The following MSI2 variants were observed in gnomAD, a reference collection of about 807,000 sequenced individuals.
MSI2 encodes RNA-binding protein Musashi homolog 2.
MSI2 carries 17 observed loss-of-function variants against 45.6 expected under a neutral mutation model. The observed-to-expected ratio is 0.37, with a 90% CI of 0.26 to 0.56. The LOEUF (loss-of-function observed/expected upper bound fraction) is 0.56, where lower values mean the gene tolerates loss of function less well. Ranked by LOEUF, MSI2 falls within the 20% of genes least tolerant of loss-of-function variation. MSI2 has a pLI of 0.77. For missense variants in MSI2, 293 were observed against 444.2 expected, an observed-to-expected ratio of 0.66 and a Z score of 3.06; for synonymous variants, 156 against 158.2, an observed-to-expected ratio of 0.99 and a Z score of 0.11.
chr17:57,615,908 C>A, intron 8 of MSI2, 62 bp from the exon 9 acceptor site: 1 of 1,288,930 alleles, frequency 7.8e-7, no homozygotes, highest in Non-Finnish European at 1.1e-6. Context: ...CAGACAGGTT[C>A]TGCATTTGAC....
intron 6 of MSI2, among the ~76,000 whole-genome samples, chr17:57,519,075 C>T (rs1219708376): frequency 6.6e-6 from 1 of 152,190 alleles, no homozygotes; most frequent in Non-Finnish European, 1.5e-5. Context: ...GGAGCTCCCA[C>T]CCAGTCCTAC....
At chr17:57,528,414 C>T (rs756722020) in intron 6 of MSI2, among the ~76,000 whole-genome samples, 9 of 151,954 alleles carry the variant, frequency 5.9e-5, no homozygotes, top group South Asian at 2.1e-4. Context: ...TTACAGGATG[C>T]GTGGGAGGGG....
At chr17:57,527,294 G>T (rs929047169) in intron 6 of MSI2, among the ~76,000 whole-genome samples, 2 of 129,392 alleles carry the variant, frequency 1.5e-5, no homozygotes, top group Non-Finnish European at 3.2e-5. Context: ...CCAGGCATTC[G>T]AATTCCTATT....
At chr17:57,593,393 C>T (rs1197695235) in intron 7 of MSI2, among the ~76,000 whole-genome samples, 1 of 152,122 alleles carries the variant, frequency 6.6e-6, no homozygotes, top group African/African-American at 2.4e-5. Context: ...GGGGGACAGT[C>T]GTTCCTTGCC....
chr17:57,631,690 G>C (rs1909384165), intron 10 of MSI2: 1 of 989,488 alleles, frequency 1.0e-6, no homozygotes, highest in Non-Finnish European at 1.6e-6. Flanking sequence ...GAATTATTAT[G>C]GGTTGTGATC....
At chr17:57,395,865 C>T (rs558930199) in intron 5 of MSI2, among the ~76,000 whole-genome samples, 3 of 152,208 alleles carry the variant, frequency 2.0e-5, no homozygotes, top group African/African-American at 4.8e-5. Flanking sequence ...AAGCTGTCCT[C>T]CTAACTACCT....
intron 6 of MSI2, among the ~76,000 whole-genome samples, chr17:57,498,831 A>G (rs144968315): frequency 2.8e-3 from 430 of 151,892 alleles, no homozygotes; most frequent in Non-Finnish European, 4.6e-3. Context: ...GATTTGTTAT[A>G]TATGTATACG....
Position 57,682,873 on chromosome 17 carries a change from G to A in MSI2, c.*3356G>A. ...CCTCCCAAGCAGAGGCGAGTGAGTG[G>A]CATTAGCTCCCGGACCCATTCCCGG... On this transcript the variant is annotated 3_prime_UTR_variant, in exon 14 of 14. Coordinates refer to ENST00000284073, the MANE Select transcript of MSI2 (RefSeq NM_138962.4). The A allele has an allele frequency of 4.4e-6, 1 of 225,182 alleles. No homozygotes were observed. The highest frequency in any genetic ancestry group is 8.8e-6 in the Non-Finnish European group (1 of 113,002). The allele number at this position is 225,182 out of a possible 1,614,324, so 13.9% of individuals were successfully genotyped here.
At chr17:57,359,847 C>T (rs542559837) in intron 5 of MSI2, among the ~76,000 whole-genome samples, 2 of 152,216 alleles carry the variant, frequency 1.3e-5, no homozygotes, top group Non-Finnish European at 2.9e-5. Context: ...CTATTTGCTG[C>T]CTTAGCCTGT....
At chr17:57,626,646 A>G (rs1908836223) in intron 9 of MSI2, 1 of 154,112 alleles carries the variant, frequency 6.5e-6, no homozygotes, top group Admixed American at 6.4e-5. Context: ...TATGCATCTT[A>G]ACACATCCAG....
intron 5 of MSI2, among the ~76,000 whole-genome samples, chr17:57,374,273 A>G (rs1356083045): frequency 1.3e-5 from 2 of 152,218 alleles, no homozygotes; most frequent in Non-Finnish European, 2.9e-5. Context: ...CATAAGTGGT[A>G]TGTGGTAGTT....
intron 11 of MSI2, among the ~76,000 whole-genome samples, chr17:57,662,430 T>A (rs1331382872): frequency 6.6e-6 from 1 of 152,224 alleles, no homozygotes; most frequent in Non-Finnish European, 1.5e-5. Context: ...AAGTACCATG[T>A]CAAGCCCACC....
At chr17:57,487,162 A>C (rs1258863344) in intron 6 of MSI2, among the ~76,000 whole-genome samples, 4 of 152,208 alleles carry the variant, frequency 2.6e-5, no homozygotes, top group Non-Finnish European at 4.4e-5. Flanking sequence ...GAGGAGGCTC[A>C]CTGAGAGAGA....
chr17:57,515,039 T>A (rs1345312818), intron 6 of MSI2, among the ~76,000 whole-genome samples: 1 of 152,192 alleles, frequency 6.6e-6, no homozygotes, highest in Non-Finnish European at 1.5e-5. Flanking sequence ...GGATGAATAT[T>A]GATAAATGAT....
intron 6 of MSI2, among the ~76,000 whole-genome samples, chr17:57,412,989 CA>C (rs1263298348): frequency 6.6e-6 from 1 of 152,218 alleles, no homozygotes; most frequent in Non-Finnish European, 1.5e-5. Context: ...CTAATGCACA[CA>C]TAGTTGTTAG....
At chr17:57,477,054 A>G (rs968373627) in intron 6 of MSI2, among the ~76,000 whole-genome samples, 1 of 151,956 alleles carries the variant, frequency 6.6e-6, no homozygotes, top group Non-Finnish European at 1.5e-5. Context: ...GAAAAATTCT[A>G]CCAAATTGAG....
chr17:57,469,542 G>A (rs938701522), intron 6 of MSI2, among the ~76,000 whole-genome samples: 1 of 152,200 alleles, frequency 6.6e-6, no homozygotes, highest in African/African-American at 2.4e-5. Context: ...GTGAGGAAAG[G>A]GTTAAGGCTT....
intron 9 of MSI2, among the ~76,000 whole-genome samples, chr17:57,622,072 G>A (rs1193603016): frequency 6.6e-6 from 1 of 152,198 alleles, no homozygotes; most frequent in Non-Finnish European, 1.5e-5. Context: ...GGTGGCGCAT[G>A]CCTGTAGTCC....
At chr17:57,619,814 G>T (rs1424739008) in intron 9 of MSI2, among the ~76,000 whole-genome samples, 2 of 152,176 alleles carry the variant, frequency 1.3e-5, no homozygotes, top group African/African-American at 4.8e-5. Flanking sequence ...CATCTGCCCA[G>T]CTCTTCCCCC....
Sources: gnomAD v4.1 joint callset for allele counts (sites outside exome capture counted in the v4.1 genomes callset) on GRCh38, gnomAD v4.1.1 for gene constraint, MANE v1.5 for transcripts, NCBI Gene and HGNC (gene_info 2026-07-23, HGNC 2026-07-21) for gene names.